Variants in ESR1 observed in about 807,000 individuals in gnomAD.
ESR1 encodes the protein estrogen receptor.
A neutral mutation model predicts 52.7 loss-of-function variants in ESR1; 12 were observed. The ratio of observed to expected loss-of-function variants is 0.23; its 90% confidence interval spans 0.15 to 0.37. The LOEUF (loss-of-function observed/expected upper bound fraction) is 0.37. Ranked by LOEUF, ESR1 falls within the 10% of genes least tolerant of loss-of-function variation. ESR1 has a pLI of 1.00. For synonymous variants in ESR1, 305 were observed against 316.8 expected (o/e 0.96, Z 0.39); for missense variants, 584 against 779.7 (o/e 0.75, Z 2.99).
At chr6:151,767,475 A>C (rs887392062) in intron 2 of ESR1, among the ~76,000 whole-genome samples, 4 of 152,170 alleles carry the variant, frequency 2.6e-5, no homozygotes, top group African/African-American at 9.7e-5. Flanking sequence ...ATCTCCTCTC[A>C]GGACAGTTTC....
intron 2 of ESR1, among the ~76,000 whole-genome samples, chr6:151,784,896 C>A (rs1241035241): frequency 6.6e-6 from 1 of 152,164 alleles, no homozygotes; most frequent in Non-Finnish European, 1.5e-5. Flanking sequence ...AGCAGGCCAG[C>A]AGGCTGGAAA....
chr6:151,767,315 T>C (rs937182153), intron 2 of ESR1, among the ~76,000 whole-genome samples: 1 of 152,180 alleles, frequency 6.6e-6, no homozygotes, highest in Non-Finnish European at 1.5e-5. Flanking sequence ...AGAGTAAAAG[T>C]TTATTTTTCT....
downstream of ESR1, among the ~76,000 whole-genome samples, chr6:152,107,172 T>G (rs1343137050): frequency 6.6e-6 from 1 of 152,196 alleles, no homozygotes; most frequent in Non-Finnish European, 1.5e-5. Context: ...CATTGTTTTT[T>G]CAAATAATGT....
At chr6:151,773,734 C>A (rs1180795526) in intron 2 of ESR1, among the ~76,000 whole-genome samples, 1 of 152,092 alleles carries the variant, frequency 6.6e-6, no homozygotes, top group East Asian at 1.9e-4. Flanking sequence ...TTTATGAGAC[C>A]CTGCTTGTTG....
chr6:152,064,510 T>C (rs2047810554), intron 6 of ESR1, among the ~76,000 whole-genome samples: 2 of 152,210 alleles, frequency 1.3e-5, no homozygotes, highest in South Asian at 4.1e-4. Flanking sequence ...TACCACACAG[T>C]CTAGGATTTG....
Position 152,100,006 on chromosome 6 carries a change from T to C in ESR1, c.*1040T>C, listed in dbSNP as rs2050907049. 1 of 398,608 alleles carries C rather than the reference T, an allele frequency of 2.5e-6. No individual in the cohort carries two copies. The highest frequency in any genetic ancestry group is 4.4e-6 in the Non-Finnish European group (1 of 226,186). 24.7% of individuals were successfully genotyped at this position (398,608 alleles called of 1,614,324 possible). ...GAGCTGAACAGTACTTGTGCAGGATTGTTGTGGCTACTAGAGAACAAGAGG... is the reference window on the plus strand; with the variant it reads ...GAGCTGAACAGTACTTGTGCAGGATCGTTGTGGCTACTAGAGAACAAGAGG... On this transcript the variant is annotated 3_prime_UTR_variant, in exon 8 of 8. Transcript: ENST00000206249.
At chr6:151,759,748 A>G (rs1337463260) in intron 2 of ESR1, among the ~76,000 whole-genome samples, 3 of 152,112 alleles carry the variant, frequency 2.0e-5, no homozygotes, top group Non-Finnish European at 4.4e-5. Context: ...TTTTACAAAT[A>G]TTTTTGCGGA....
intron 1 of ESR1, among the ~76,000 whole-genome samples, chr6:151,679,362 A>G (rs1262845750): frequency 6.6e-6 from 1 of 151,834 alleles, no homozygotes; most frequent in East Asian, 1.9e-4. Context: ...TTATTTATTT[A>G]TTTTTGAGAT....
At chr6:152,046,528 G>A (rs1332862740) in intron 5 of ESR1, among the ~76,000 whole-genome samples, 1 of 152,206 alleles carries the variant, frequency 6.6e-6, no homozygotes, top group African/African-American at 2.4e-5. Context: ...TTCATTGAGT[G>A]AGGTTAGAAG....
intron 1 of ESR1, among the ~76,000 whole-genome samples, chr6:151,669,387 A>G (rs1777970192): frequency 6.6e-6 from 1 of 152,002 alleles, no homozygotes; most frequent in Non-Finnish European, 1.5e-5. Flanking sequence ...AATTTGAGGA[A>G]GGTGGAGGAG....
chr6:152,012,300 C>G (rs1421293059), intron 5 of ESR1, among the ~76,000 whole-genome samples: 1 of 151,326 alleles, frequency 6.6e-6, no homozygotes, highest in African/African-American at 2.4e-5. Context: ...AATATGTTAC[C>G]TTCTTTAACA....
chr6:151,907,949 T>C (rs1311929542), intron 3 of ESR1, among the ~76,000 whole-genome samples: 1 of 152,162 alleles, frequency 6.6e-6, no homozygotes, highest in East Asian at 1.9e-4. Flanking sequence ...ATTTAAGCAT[T>C]TTAAGTTATA....
At chr6:151,944,541 A>G (rs2128530269) in intron 4 of ESR1, 33 bp downstream of exon 4, 1 of 1,586,578 alleles carries the variant, frequency 6.3e-7, no homozygotes, top group African/African-American at 1.3e-5. Context: ...TTAAGAGTCA[A>G]TAGCTTTTCA....
In ESR1 at chr6:151,668,277, C is replaced by CT. The variant is rs1005778012; in HGVS notation, n.73+11523dup. On this transcript the variant is annotated intron_variant and non_coding_transcript_variant, in intron 1 of 2. Transcript: ENST00000473497. ...GTAGAAGGGCAAAAGAGGAAAAACC[C>CT]TTTTTTTTTCTTTTTTTTTGAGATA... Among the ~76,000 whole-genome samples the CT allele has an allele frequency of 6.1e-5, 8 of 131,550 alleles. No homozygotes were observed. The South Asian group carries it at 8.2e-4, about 14-fold the overall frequency. The allele number at this position is 131,550 out of a possible 152,430, so 86.3% of individuals were successfully genotyped here. A position where few individuals can be genotyped will look rare whatever the true frequency, so the allele number is the denominator to read the frequency against.
At chr6:152,030,984 T>G (rs983463934) in intron 5 of ESR1, among the ~76,000 whole-genome samples, 1 of 152,114 alleles carries the variant, frequency 6.6e-6, no homozygotes, top group Non-Finnish European at 1.5e-5. Context: ...ATTAAGAAAC[T>G]CACTCAAAAC....
Position 151,807,800 on chromosome 6 carries a change from T to A in ESR1, c.-113T>A. The A allele has an allele frequency of 1.0e-6, 1 of 998,720 alleles. No individual in the cohort carries two copies. Among genetic ancestry groups the A allele is most frequent in the Non-Finnish European group, 1.5e-6 (1 of 654,878 alleles). 61.9% of individuals were successfully genotyped at this position (998,720 alleles called of 1,614,324 possible). ...CCAGAGCTCGCGTGTCGGCGGGACA[T>A]GCGCTGCGTCGCCTCTAACCTCGGG... is the stretch of plus-strand genomic sequence containing the variant. On this transcript the variant is annotated 5_prime_UTR_variant, in exon 1 of 8. An upstream start codon of the reference 5' UTR is lost. Coordinates refer to ENST00000206249, the MANE Select transcript of ESR1 (RefSeq NM_000125.4).
intron 2 of ESR1, among the ~76,000 whole-genome samples, chr6:151,867,512 C>T (rs1035857365): frequency 1.3e-5 from 2 of 151,870 alleles, no homozygotes; most frequent in African/African-American, 4.8e-5. Context: ...TTTACACTGC[C>T]AACAACATAA....
chr6:151,869,761 T>A (rs568658217), intron 2 of ESR1, among the ~76,000 whole-genome samples: 1 of 152,220 alleles, frequency 6.6e-6, no homozygotes, highest in African/African-American at 2.4e-5. Context: ...TTTTTAAAAA[T>A]TTTTTTTCTT....
At chr6:151,864,160 C>T (rs1252081394) in intron 2 of ESR1, among the ~76,000 whole-genome samples, 1 of 152,090 alleles carries the variant, frequency 6.6e-6, no homozygotes, top group Non-Finnish European at 1.5e-5. Context: ...AGGCAACCTA[C>T]AGAATGGGAG....
Sources: allele counts gnomAD v4.1 joint callset (sites outside exome capture counted in the v4.1 genomes callset), GRCh38; gene constraint gnomAD v4.1.1; transcripts MANE v1.5; gene names NCBI Gene and HGNC (gene_info 2026-07-23, HGNC 2026-07-21).